Variants in ANO3 observed in about 807,000 individuals in gnomAD.
The protein encoded by ANO3 is anoctamin 3.
Under a neutral mutation model 144.8 loss-of-function variants are expected in ANO3, and 99 were observed. That is an observed-to-expected ratio of 0.68 (90% CI 0.58 to 0.81). The LOEUF is 0.81. Ranked by LOEUF, ANO3 falls within the 30% of genes least tolerant of loss-of-function variation. The probability of loss-of-function intolerance (pLI) is 0.00; values close to 1 mark genes in which losing one functional copy is unlikely to be tolerated. For missense variants in ANO3, 905 were observed against 1,202.2 expected (o/e 0.75, Z 3.66); for synonymous variants, 414 against 392.6 (o/e 1.05, Z -0.64).
chr11:26,634,916 TTA>T, intron 19 of ANO3, 95 bp from the exon 20 acceptor site: 1 of 940,978 alleles, frequency 1.1e-6, no homozygotes. Context: ...CAGTGAGCGT[TTA>T]TGTCTACCCA....
At chr11:26,223,211 T>C (rs1852185054) in intron 1 of ANO3, among the ~76,000 whole-genome samples, 1 of 152,146 alleles carries the variant, frequency 6.6e-6, no homozygotes, top group Non-Finnish European at 1.5e-5. Context: ...TACTTAAAAA[T>C]TTATTCTGCC....
intron 22 of ANO3, 53 bp downstream of exon 22, chr11:26,642,082 A>T (rs995819754): frequency 4.7e-5 from 75 of 1,580,988 alleles, no homozygotes; most frequent in Admixed American, 9.1e-5. Context: ...CAATTTTTCT[A>T]CTTCACAGAA....
chr11:26,525,630 T>C lies in ANO3; in HGVS notation c.693-5T>C. ...TTCCTTAGCTGTTTTCTATTATTTT[T>C]TCAGGAAAAAATGCTATTACACTGA... On this transcript the variant is annotated splice_polypyrimidine_tract_variant and splice_region_variant and intron_variant, in intron 6 of 26. Transcript: ENST00000256737. 6.2e-7 allele frequency: 1 copy of C among 1,610,234 alleles called. No individual in the cohort carries two copies. Among genetic ancestry groups the C allele is most frequent in the Non-Finnish European group, 8.5e-7 (1 of 1,178,062 alleles).
intron 3 of ANO3, among the ~76,000 whole-genome samples, chr11:26,456,314 C>A (rs1190611662): frequency 6.6e-6 from 1 of 152,154 alleles, no homozygotes; most frequent in Non-Finnish European, 1.5e-5. Context: ...AAAATTTTCA[C>A]AACCTCCTCA....
At chr11:26,536,397 A>G (rs1849510945) in intron 9 of ANO3, among the ~76,000 whole-genome samples, 3 of 152,014 alleles carry the variant, frequency 2.0e-5, no homozygotes, top group African/African-American at 7.2e-5. Context: ...TGTTAGTACT[A>G]TATTGTTTTG....
At chr11:26,371,636 A>G (rs2133938727) in intron 1 of ANO3, among the ~76,000 whole-genome samples, 1 of 152,366 alleles carries the variant, frequency 6.6e-6, no homozygotes, top group African/African-American at 2.4e-5. Flanking sequence ...ACAAGGGAGC[A>G]ACTGCCCAAG....
At chr11:26,214,118 CATGAG>C (rs1464448548) in intron 1 of ANO3, among the ~76,000 whole-genome samples, 3 of 151,838 alleles carry the variant, frequency 2.0e-5, no homozygotes, top group Admixed American at 1.3e-4. Context: ...AATATTTTTC[CATGAG>C]ATAAGTGTAA....
intron 6 of ANO3, among the ~76,000 whole-genome samples, chr11:26,517,360 G>C (rs1430196302): frequency 6.6e-6 from 1 of 151,970 alleles, no homozygotes; most frequent in African/African-American, 2.4e-5. Context: ...AACCAGGAAG[G>C]TTTCTTAATT....
intron 4 of ANO3, among the ~76,000 whole-genome samples, chr11:26,491,305 A>T (rs1241026414): frequency 6.6e-6 from 1 of 152,344 alleles, no homozygotes; most frequent in East Asian, 1.9e-4. Flanking sequence ...TAATTTGTCT[A>T]GCCTGTATAC....
intron 1 of ANO3, among the ~76,000 whole-genome samples, chr11:26,203,908 G>A (rs1167984986): frequency 3.3e-5 from 5 of 152,092 alleles, no homozygotes; most frequent in African/African-American, 1.2e-4. Flanking sequence ...GGGGTATAAT[G>A]TGACCTGGTT....
chr11:26,467,396 AT>A (rs1439016535), intron 4 of ANO3, among the ~76,000 whole-genome samples: 1 of 43,438 alleles, frequency 2.3e-5, no homozygotes, highest in African/African-American at 5.0e-5. Context: ...CTTTCAAAAT[AT>A]TTTTTGTGCC....
chr11:26,368,297 G>A (rs1856149824), intron 1 of ANO3, among the ~76,000 whole-genome samples: 1 of 152,136 alleles, frequency 6.6e-6, no homozygotes, highest in Admixed American at 6.6e-5. Context: ...GTTTTTTACA[G>A]AGTAAGCTTG....
chr11:26,315,332 C>T (rs555709362), intron 1 of ANO3, among the ~76,000 whole-genome samples: 3 of 152,230 alleles, frequency 2.0e-5, no homozygotes, highest in East Asian at 1.9e-4. Flanking sequence ...TTCTGCTCTC[C>T]ATCTTGTTTC....
chr11:26,343,393 C>T (rs1278685870), intron 1 of ANO3, among the ~76,000 whole-genome samples: 6 of 152,178 alleles, frequency 3.9e-5, no homozygotes, highest in Admixed American at 3.9e-4. Flanking sequence ...TTCATTTTCT[C>T]TTTTGAATGT....
intron 11 of ANO3, among the ~76,000 whole-genome samples, chr11:26,544,821 T>A (rs1418373143): frequency 2.0e-5 from 3 of 151,964 alleles, no homozygotes; most frequent in Non-Finnish European, 2.9e-5. Context: ...TAAATAGGTT[T>A]ATTCAGCTAC....
intron 1 of ANO3, among the ~76,000 whole-genome samples, chr11:26,199,334 G>A (rs1025718293): frequency 6.6e-6 from 1 of 152,082 alleles, no homozygotes; most frequent in South Asian, 2.1e-4. Context: ...TCCTACTAAA[G>A]AGAAAATTTT....
intron 18 of ANO3, among the ~76,000 whole-genome samples, 172 bp from the exon 19 acceptor site, chr11:26,634,032 T>G (rs1230852390): frequency 6.7e-6 from 1 of 148,472 alleles, no homozygotes; most frequent in Non-Finnish European, 1.5e-5. Flanking sequence ...GAGCCAAGAT[T>G]GTGCCACTGT....
intron 1 of ANO3, among the ~76,000 whole-genome samples, chr11:26,374,042 T>G (rs939097557): frequency 6.6e-6 from 1 of 152,200 alleles, no homozygotes; most frequent in Non-Finnish European, 1.5e-5. Flanking sequence ...ATATAAATGG[T>G]ATCAGCCTTT....
At chr11:26,196,241 A>T (rs964300152) in intron 1 of ANO3, among the ~76,000 whole-genome samples, 1 of 152,170 alleles carries the variant, frequency 6.6e-6, no homozygotes, top group Non-Finnish European at 1.5e-5. Context: ...CAGTCTAACC[A>T]TCTTTAGTAA....
Sources: allele counts gnomAD v4.1 joint callset (sites outside exome capture counted in the v4.1 genomes callset), GRCh38; gene constraint gnomAD v4.1.1; transcripts MANE v1.5; gene names NCBI Gene and HGNC (gene_info 2026-07-23, HGNC 2026-07-21).